PRSS3: variants seen among roughly 807,000 people sequenced by gnomAD.
The protein encoded by PRSS3 is trypsin-3.
Under a neutral mutation model 20.8 loss-of-function variants are expected in PRSS3, and 14 were observed. The observed-to-expected ratio is 0.67, with a 90% CI of 0.44 to 1.05. PRSS3 has a LOEUF of 1.05. Among genes scored for constraint, PRSS3 ranks in the 50% least tolerant of loss-of-function variants. The pLI, the probability that PRSS3 is intolerant of heterozygous loss-of-function variation, is 0.00. For missense variants in PRSS3, 237 were observed against 306.4 expected (o/e 0.77, Z 1.69); for synonymous variants, 91 against 117.6 (o/e 0.77, Z 1.46).
rs376281132 is a variant in PRSS3, at chr9:33,786,595, G to C, written c.-52-8151G>C. The C allele has an allele frequency of 1.2e-4, 92 of 766,264 alleles. 5 individuals are homozygous for C. Among genetic ancestry groups the C allele is most frequent in the African/African-American group, 4.2e-4 (25 of 59,112 alleles). The allele number at this position is 766,264 out of a possible 1,614,324, so 47.5% of individuals were successfully genotyped here. A position where few individuals can be genotyped will look rare whatever the true frequency, so the allele number is the denominator to read the frequency against. ...ATATCTGTCAACGTGGAACCTCCAT[G>C]ATGATCCAGTGTCAAGTCGACAGCC... On this transcript the variant is annotated intron_variant, in intron 1 of 5. Transcript: ENST00000342836.
intron 1 of PRSS3, among the ~76,000 whole-genome samples, chr9:33,763,616 G>A (rs1455406636): frequency 6.0e-5 from 9 of 150,872 alleles, no homozygotes; most frequent in East Asian, 6.0e-4. Flanking sequence ...GGAGAATGGC[G>A]TGAACCCGGG....
rs113502932 is a variant in PRSS3 at position 33,798,736 on chromosome 9, T to C, written c.591+114T>C. 43 of 1,508,004 alleles carry C rather than the reference T, an allele frequency of 2.9e-5. 1 individual carries two copies. Among genetic ancestry groups the C allele is most frequent in the African/African-American group, 2.1e-4 (15 of 71,084 alleles). 93.4% of individuals were successfully genotyped at this position (1,508,004 alleles called of 1,614,324 possible). A position where few individuals can be genotyped will look rare whatever the true frequency, so the allele number is the denominator to read the frequency against. ...GAGGCGGCTCCCTGCAGTGCTCCCA[T>C]GGAGAAATGAGGAAGGTGGCGGGGC... On this transcript the variant is annotated intron_variant, in intron 4 of 4. Transcript: ENST00000379405.
At position 33,798,414 on chromosome 9, in the gene PRSS3, C is replaced by T. The variant is rs988607005; in HGVS notation, c.455-72C>T. The T allele has an allele frequency of 1.7e-5, 27 of 1,589,944 alleles. No individual in the cohort carries two copies. The African/African-American group carries it at 2.7e-4, about 16-fold the overall frequency. ...GCAGTGTTCCTCTTCAATGTTCCAT[C>T]CCAGATTATTGTCTCCTTCTCTGGC... is the stretch of plus-strand genomic sequence containing the variant. On this transcript the variant is annotated intron_variant, in intron 3 of 4. Transcript: ENST00000379405.
chr9:33,798,894 G>A, intron 4 of PRSS3, 134 bp from the exon 5 acceptor site: 2 of 1,264,996 alleles, frequency 1.6e-6, no homozygotes, highest in Non-Finnish European at 2.3e-6. Flanking sequence ...AGGAAGAACA[G>A]AGAATGGGCC....
At chr9:33,759,979 C>A (rs551640987) in intron 1 of PRSS3, among the ~76,000 whole-genome samples, 22 of 152,206 alleles carry the variant, frequency 1.4e-4, no homozygotes, top group Admixed American at 7.2e-4. Flanking sequence ...GCACTTTTTC[C>A]AAGAGGTGGA....
At chr9:33,797,719 C>A in intron 2 of PRSS3, 110 bp from the exon 3 acceptor site, 1 of 1,599,830 alleles carries the variant, frequency 6.3e-7, no homozygotes, top group East Asian at 2.2e-5. Flanking sequence ...ACACCCCACC[C>A]CATGCCTCCA....
chr9:33,766,301 C>T (rs1231228543), intron 1 of PRSS3, among the ~76,000 whole-genome samples: 23 of 125,744 alleles, frequency 1.8e-4, no homozygotes, highest in African/African-American at 5.6e-4. Flanking sequence ...GAGCCGGGGG[C>T]GGTGGCTCAC....
chr9:33,764,656 AG>A (rs1345028732), intron 1 of PRSS3, among the ~76,000 whole-genome samples: 2 of 152,242 alleles, frequency 1.3e-5, no homozygotes, highest in Admixed American at 1.3e-4. Context: ...TAACGTCAAA[AG>A]CACAAACAAA....
intron 1 of PRSS3, among the ~76,000 whole-genome samples, chr9:33,767,869 C>T (rs567189706): frequency 2.0e-5 from 3 of 151,956 alleles, no homozygotes; most frequent in African/African-American, 4.8e-5. Flanking sequence ...AGAAAGAAGA[C>T]CATCTGAAGA....
intron 1 of PRSS3, among the ~76,000 whole-genome samples, chr9:33,779,725 C>T (rs372309766): frequency 4.6e-5 from 7 of 151,608 alleles, no homozygotes; most frequent in South Asian, 2.1e-4. Context: ...AAAAACTAGC[C>T]GGGCATGGTG....
intron 1 of PRSS3, among the ~76,000 whole-genome samples, chr9:33,765,392 T>C (rs2118843414): frequency 6.6e-6 from 1 of 152,352 alleles, no homozygotes; most frequent in Middle Eastern, 3.4e-3. Context: ...AGATTCATTT[T>C]TACTGTAGAT....
intron 1 of PRSS3, among the ~76,000 whole-genome samples, chr9:33,785,209 G>A (rs1431803630): frequency 3.1e-5 from 3 of 96,348 alleles, no homozygotes; most frequent in East Asian, 2.9e-4. Context: ...ACGGAGTCTC[G>A]CTCTGTCGCC....
chr9:33,792,817 T>A (rs1824695611), upstream of PRSS3, among the ~76,000 whole-genome samples: 2 of 152,042 alleles, frequency 1.3e-5, no homozygotes, highest in African/African-American at 2.4e-5. Flanking sequence ...GCACACAGAA[T>A]TGATTCACTG....
At chr9:33,752,228 C>T (rs1449643802) in intron 1 of PRSS3, among the ~76,000 whole-genome samples, 1 of 152,120 alleles carries the variant, frequency 6.6e-6, no homozygotes, top group Non-Finnish European at 1.5e-5. Context: ...TTGTGATGGC[C>T]GAGGCGAAGT....
chr9:33,796,906 G>A (rs796699061), intron 2 of PRSS3, 104 bp downstream of exon 2: 1 of 1,584,772 alleles, frequency 6.3e-7, no homozygotes, highest in Non-Finnish European at 8.6e-7. Context: ...GATGGGAGAG[G>A]TGGTGGAAAA....
chr9:33,753,489 A>G (rs1822789137), intron 1 of PRSS3, among the ~76,000 whole-genome samples: 1 of 152,226 alleles, frequency 6.6e-6, no homozygotes, highest in African/African-American at 2.4e-5. Flanking sequence ...TGCCAAATGT[A>G]TAAATCCAGT....
At chr9:33,762,858 G>T (rs745938579) in intron 1 of PRSS3, among the ~76,000 whole-genome samples, 2 of 152,216 alleles carry the variant, frequency 1.3e-5, no homozygotes, top group South Asian at 4.2e-4. Flanking sequence ...CTATTATTGC[G>T]GGAATAGTGT....
In PRSS3 at chr9:33,786,928, G is replaced by A. The variant is rs75109009; in HGVS notation, c.-52-7818G>A. The A allele has an allele frequency of 6.7e-3, 3,991 of 599,888 alleles. 115 individuals are homozygous for A. The highest frequency in any genetic ancestry group is 0.065 in the African/African-American group (3,484 of 53,946). The allele number at this position is 599,888 out of a possible 1,614,324, so 37.2% of individuals were successfully genotyped here. On this transcript the variant is annotated intron_variant, in intron 1 of 5. Transcript: ENST00000342836. ...CTGAGGGCCCTGTCAAGGTGGGACA[G>A]AAGAGGAAACCACAGCTCTTGGGTA... is the stretch of plus-strand genomic sequence containing the variant.
At chr9:33,790,472 A>G (rs1238414925) in intron 1 of PRSS3, among the ~76,000 whole-genome samples, 3 of 152,214 alleles carry the variant, frequency 2.0e-5, no homozygotes, top group Non-Finnish European at 4.4e-5. Context: ...TTTCTGTTAC[A>G]GACTCAGAAG....
Sources: allele counts gnomAD v4.1 joint callset (sites outside exome capture counted in the v4.1 genomes callset), GRCh38; gene constraint gnomAD v4.1.1; transcripts MANE v1.5; gene names NCBI Gene and HGNC (gene_info 2026-07-23, HGNC 2026-07-21).